Variants in ANKMY1 observed in about 807,000 individuals in gnomAD.
ANKMY1 encodes ankyrin repeat and MYND domain containing 1.
In ANKMY1, 98 loss-of-function variants were observed where a neutral mutation model predicts 102.0. The observed-to-expected ratio is 0.96, with a 90% CI of 0.82 to 1.14. The LOEUF (loss-of-function observed/expected upper bound fraction) is 1.14. Ranked by LOEUF, ANKMY1 falls within the 50% of genes most tolerant of loss-of-function variation. ANKMY1 has a pLI of 0.00. For missense variants in ANKMY1, 1,330 were observed against 1,347.6 expected (o/e 0.99, Z 0.20); for synonymous variants, 582 against 559.9 (o/e 1.04, Z -0.56).
At position 240,520,038 on chromosome 2, in the gene ANKMY1, C is replaced by T. The variant is rs2081890259; in HGVS notation, c.2004+324G>A. ...TGAGCGTGGGTTGAAAGGAGGCCCG[C>T]CTCCTCCTGAATATAAGTCTCCCCT... On this transcript the variant is annotated intron_variant, in intron 9 of 17. Coordinates refer to ENST00000401804, the MANE Select transcript of ANKMY1 (RefSeq NM_001282771.3). The surrounding 1 kb of genome is among the most constrained non-coding windows in gnomAD (Gnocchi z 4.8). 5.5e-6 allele frequency: 3 copies of T among 548,626 alleles called. No homozygotes were observed. The highest frequency in any genetic ancestry group is 1.1e-5 in the Non-Finnish European group (3 of 277,012). The allele number at this position is 548,626 out of a possible 1,614,324, so 34.0% of individuals were successfully genotyped here.
intron 11 of ANKMY1, 52 bp from the exon 12 acceptor site, chr2:240,509,507 A>T: frequency 1.6e-6 from 2 of 1,241,926 alleles, no homozygotes; most frequent in Non-Finnish European, 2.3e-6. Context: ...CATAAGCAGC[A>T]CCTGATGGTA....
At chr2:240,505,574 T>C (rs1168384705) in intron 13 of ANKMY1, among the ~76,000 whole-genome samples, 3 of 151,886 alleles carry the variant, frequency 2.0e-5, no homozygotes, top group Non-Finnish European at 2.9e-5. Context: ...AACGTGTCCA[T>C]TGGCTGAGGG....
At chr2:240,561,052 G>C, upstream of ANKMY1, 2 of 1,502,796 alleles carry the variant, frequency 1.3e-6, no homozygotes, top group African/African-American at 1.4e-5. Context: ...CGGCACCGCG[G>C]CCTCAGCCTG....
intron 4 of ANKMY1, among the ~76,000 whole-genome samples, chr2:240,534,018 G>A (rs957173235): frequency 3.3e-5 from 5 of 152,190 alleles, no homozygotes; most frequent in Admixed American, 3.3e-4. Flanking sequence ...GCCATTCTGC[G>A]TATTGAGATG....
At chr2:240,472,332 C>A in the ANKMY1 span, among the ~76,000 whole-genome samples, 6 of 143,286 alleles carry the variant, frequency 4.2e-5, no homozygotes, top group Middle Eastern at 3.6e-3. Flanking sequence ...TGACCCAGCT[C>A]CAGCCCCACT....
At chr2:240,489,087 G>T (rs1029936557) in intron 15 of ANKMY1, among the ~76,000 whole-genome samples, 2 of 152,156 alleles carry the variant, frequency 1.3e-5, no homozygotes, top group Non-Finnish European at 2.9e-5. Flanking sequence ...CTATTATGAT[G>T]ATGTTAGCTG....
At chr2:240,538,530 G>C (rs1020783829) in intron 4 of ANKMY1, among the ~76,000 whole-genome samples, 1 of 152,162 alleles carries the variant, frequency 6.6e-6, no homozygotes, top group African/African-American at 2.4e-5. Context: ...GGCAGGGCTC[G>C]GGACCTGCAG....
upstream of ANKMY1, among the ~76,000 whole-genome samples, chr2:240,558,830 TTCTC>T (rs2092692902): frequency 6.6e-6 from 1 of 152,140 alleles, no homozygotes. Context: ...TTGAGTTCAC[TTCTC>T]TCTAAAATCT....
At position 240,500,478 on chromosome 2, in the gene ANKMY1, C is replaced by A. The variant is rs2077991788; in HGVS notation, c.2614G>T (p.Asp872Tyr). The A allele has an allele frequency of 7.4e-6, 12 of 1,614,148 alleles. No individual in the cohort carries two copies. Among genetic ancestry groups the A allele is most frequent in the Non-Finnish European group, 8.5e-6 (10 of 1,179,992 alleles). The change falls in exon 14 of 18, where the codon GAC becomes TAC. Residue 872 changes from aspartate to tyrosine, a missense_variant. Asp to Tyr is a radical substitution (Grantham distance 160). Coordinates refer to ENST00000401804, the MANE Select transcript of ANKMY1 (RefSeq NM_001282771.3). ...GEKEAVGTAV[D>Y]YGYFRFFQDR... ...TGGAAGAATCTGAAGTAGCCATAGT[C>A]CACGGCTGTGCCCACTGCCTCCTTT...
At chr2:240,480,506 G>A (rs991337751) in intron 17 of ANKMY1, among the ~76,000 whole-genome samples, 2 of 152,242 alleles carry the variant, frequency 1.3e-5, no homozygotes, top group Non-Finnish European at 2.9e-5. Flanking sequence ...TGAGACGGCA[G>A]GCTGGGAGGA....
chr2:240,512,831 C>T lies in ANKMY1; in HGVS notation c.2116G>A (p.Asp706Asn), dbSNP rs1250850007. 6.8e-6 allele frequency: 11 copies of T among 1,613,984 alleles called. No individual in the cohort carries two copies. The highest frequency in any genetic ancestry group is 1.7e-4 in the Middle Eastern group (1 of 6,056). ...CCGGGCTTGTAAGTGTCGTCCTCGT[C>T]GGATGCCTTGGCGTCCACATCGGTG... ...AITDVDAKAS[D>N]EDDTYKPGKL... Residue 706 changes from aspartate (D) to asparagine (N), a missense_variant, in exon 10 of 18, where the codon GAC (aspartate) becomes AAC (asparagine). Transcript: ENST00000401804.
intron 6 of ANKMY1, 167 bp downstream of exon 6, chr2:240,526,062 C>G: frequency 2.0e-6 from 2 of 990,608 alleles, no homozygotes; most frequent in Non-Finnish European, 3.0e-6. Flanking sequence ...GAGTGTCACA[C>G]TCAGCTGAGT....
chr2:240,482,018 G>A (rs1369701812), intron 16 of ANKMY1, among the ~76,000 whole-genome samples, 165 bp downstream of exon 16: 1 of 152,132 alleles, frequency 6.6e-6, no homozygotes, highest in Admixed American at 6.5e-5. Context: ...CATCTTGGTT[G>A]AAGCCCACAG....
chr2:240,552,497 T>C (rs998596958), intron 4 of ANKMY1, among the ~76,000 whole-genome samples: 2 of 152,218 alleles, frequency 1.3e-5, no homozygotes, highest in Non-Finnish European at 2.9e-5. Context: ...CCTGTAATTG[T>C]CAAAAATTTC....
At chr2:240,496,373 T>C (rs1013418113) in intron 15 of ANKMY1, among the ~76,000 whole-genome samples, 8 of 149,464 alleles carry the variant, frequency 5.4e-5, no homozygotes, top group Non-Finnish European at 8.9e-5. Context: ...GATAGATAGA[T>C]AGATAGATAG....
At chr2:240,474,692 G>A (rs528444026), downstream of ANKMY1, among the ~76,000 whole-genome samples, 113 of 152,176 alleles carry the variant, frequency 7.4e-4, no homozygotes, top group African/African-American at 2.5e-3. Context: ...CTGTTCCTGC[G>A]TTAGTTTGCT....
rs997741944 is a variant in ANKMY1 at position 240,520,934 on chromosome 2, C to A, written c.1833-401G>T. Among the ~76,000 whole-genome samples the A allele has an allele frequency of 2.0e-5, 3 of 151,034 alleles. No homozygotes were observed. Among genetic ancestry groups the A allele is most frequent in the Non-Finnish European group, 4.4e-5 (3 of 67,862 alleles). On this transcript the variant is annotated intron_variant, in intron 8 of 17. Coordinates refer to ENST00000401804, the MANE Select transcript of ANKMY1 (RefSeq NM_001282771.3). The surrounding 1 kb of genome is among the most constrained non-coding windows in gnomAD (Gnocchi z 4.8). ...CAAACCACACTACACATACAGCACA[C>A]AACCACACAAACCACACACACACCA...
At chr2:240,481,168 G>A in intron 16 of ANKMY1, 71 bp from the exon 17 acceptor site, 2 of 1,553,124 alleles carry the variant, frequency 1.3e-6, no homozygotes, top group African/African-American at 1.3e-5. Flanking sequence ...CCGCTGCCTG[G>A]GAGCTGTGCC....
intron 5 of ANKMY1, chr2:240,526,737 TG>T (rs2083521018): frequency 1.5e-6 from 2 of 1,330,394 alleles, no homozygotes; most frequent in Non-Finnish European, 9.7e-7. Context: ...CTGATTCATC[TG>T]GGTGTTTGCT....
Sources: allele counts gnomAD v4.1 joint callset (sites outside exome capture counted in the v4.1 genomes callset), GRCh38; gene constraint gnomAD v4.1.1; non-coding constraint Gnocchi (gnomAD v3.1); transcripts MANE v1.5; gene names NCBI Gene and HGNC (gene_info 2026-07-23, HGNC 2026-07-21).